Variants in ERC2 observed in about 807,000 individuals in gnomAD.
ERC2 encodes ELKS/RAB6-interacting/CAST family member 2.
A neutral mutation model predicts 114.8 loss-of-function variants in ERC2; 42 were observed. That is an observed-to-expected ratio of 0.37 (90% CI 0.29 to 0.47). The LOEUF (loss-of-function observed/expected upper bound fraction) is 0.47, where lower values mean the gene tolerates loss of function less well. Among genes scored for constraint, ERC2 ranks in the 20% least tolerant of loss-of-function variants. The pLI, the probability that ERC2 is intolerant of heterozygous loss-of-function variation, is 0.99. For missense variants in ERC2, 939 were observed against 1,150.7 expected (o/e 0.82, Z 2.66); for synonymous variants, 454 against 425.5 (o/e 1.07, Z -0.82).
At chr3:56,144,331 T>G (rs967197690) in intron 5 of ERC2, among the ~76,000 whole-genome samples, 1 of 152,202 alleles carries the variant, frequency 6.6e-6, no homozygotes, top group Non-Finnish European at 1.5e-5. Flanking sequence ...TAGGATTATC[T>G]AAAATGATAA....
intron 17 of ERC2, among the ~76,000 whole-genome samples, chr3:55,531,981 G>C (rs528022749): frequency 6.6e-6 from 1 of 152,206 alleles, no homozygotes; most frequent in Admixed American, 6.5e-5. Context: ...AACTGTCCTC[G>C]GCTTCAGCCT....
intron 6 of ERC2, among the ~76,000 whole-genome samples, chr3:56,093,580 T>C (rs973534108): frequency 2.0e-5 from 3 of 152,154 alleles, no homozygotes; most frequent in Non-Finnish European, 4.4e-5. Flanking sequence ...ACCACATTCA[T>C]ATCAGTGTAA....
intron 14 of ERC2, among the ~76,000 whole-genome samples, chr3:55,750,630 G>C (rs945183666): frequency 5.9e-5 from 9 of 152,226 alleles, no homozygotes; most frequent in African/African-American, 2.2e-4. Context: ...TTCCAGATGG[G>C]GTAAGTGTCT....
chr3:56,380,859 T>C (rs909934728), intron 2 of ERC2, among the ~76,000 whole-genome samples: 36 of 152,240 alleles, frequency 2.4e-4, no homozygotes, highest in African/African-American at 8.2e-4. Context: ...ACTTATAATC[T>C]GCCTGTTAAA....
At chr3:55,778,968 A>T (rs73831507) in intron 14 of ERC2, among the ~76,000 whole-genome samples, 1,880 of 152,336 alleles carry the variant, frequency 0.012, 40 homozygotes, top group African/African-American at 0.043. Context: ...GAATAATGAC[A>T]ATAGGCATAT....
At chr3:56,258,352 T>C (rs752103417) in intron 3 of ERC2, among the ~76,000 whole-genome samples, 10 of 152,232 alleles carry the variant, frequency 6.6e-5, no homozygotes, top group Non-Finnish European at 1.3e-4. Flanking sequence ...ATGGGTGTGC[T>C]AGTCCTCCAA....
chr3:55,712,430 G>A (rs367585302), intron 15 of ERC2, among the ~76,000 whole-genome samples: 15 of 152,090 alleles, frequency 9.9e-5, no homozygotes, highest in East Asian at 5.8e-4. Context: ...GAACAGAGTT[G>A]GCCTCTGTTG....
intron 16 of ERC2, among the ~76,000 whole-genome samples, chr3:55,687,849 G>A (rs1005369244): frequency 1.3e-5 from 2 of 152,236 alleles, no homozygotes; most frequent in East Asian, 1.9e-4. Context: ...GGCCAGAGCC[G>A]GGAAAAACAG....
rs745871289 is a variant in ERC2, at chr3:55,509,446, G to A, written c.*1870C>T. On this transcript the variant is annotated 3_prime_UTR_variant, in exon 18 of 18. Coordinates refer to ENST00000288221, the MANE Select transcript of ERC2 (RefSeq NM_015576.3). ...AAAATGTGCTAAATAAGCTTGCAAA[G>A]AACTCTGCTTACTTCTCTAACCAAG... 6.6e-6 allele frequency: 1 copy of A among 152,536 alleles called. No homozygotes were observed. Among genetic ancestry groups the A allele is most frequent in the Non-Finnish European group, 1.5e-5 (1 of 68,026 alleles). The allele number at this position is 152,536 out of a possible 1,614,324, so 9.4% of individuals were successfully genotyped here. A position where few individuals can be genotyped will look rare whatever the true frequency, so the allele number is the denominator to read the frequency against.
intron 17 of ERC2, chr3:55,659,122 C>A (rs540607482): frequency 6.6e-6 from 1 of 152,324 alleles, no homozygotes; most frequent in East Asian, 1.9e-4. Context: ...AGCTTTTGTT[C>A]TTCTGTCAGC....
chr3:56,268,486 T>C (rs1317137069), intron 3 of ERC2, among the ~76,000 whole-genome samples: 11 of 152,068 alleles, frequency 7.2e-5, no homozygotes, highest in African/African-American at 1.7e-4. Flanking sequence ...AAAATAAATA[T>C]AAGAGAATTC....
At chr3:56,267,765 C>T (rs1412110188) in intron 3 of ERC2, among the ~76,000 whole-genome samples, 2 of 151,888 alleles carry the variant, frequency 1.3e-5, no homozygotes, top group Non-Finnish European at 2.9e-5. Flanking sequence ...GGCAAAAGAG[C>T]GGAACTCCAT....
intron 3 of ERC2, among the ~76,000 whole-genome samples, chr3:56,210,831 T>C (rs915275674): frequency 2.0e-5 from 3 of 152,172 alleles, no homozygotes; most frequent in African/African-American, 7.2e-5. Flanking sequence ...ACAAGAAAGT[T>C]ACATATACTG....
At chr3:55,708,547 G>C (rs528187117) in intron 15 of ERC2, among the ~76,000 whole-genome samples, 2 of 152,140 alleles carry the variant, frequency 1.3e-5, no homozygotes, top group African/African-American at 2.4e-5. Flanking sequence ...TGAAGAGCCT[G>C]GGTAAACAAC....
chr3:56,227,502 G>A (rs189605624), intron 3 of ERC2, among the ~76,000 whole-genome samples: 4 of 150,994 alleles, frequency 2.6e-5, no homozygotes, highest in Non-Finnish European at 4.4e-5. Flanking sequence ...TGGATGTCAC[G>A]TTGTACCAAA....
At chr3:55,638,603 T>C (rs1478702588) in intron 17 of ERC2, among the ~76,000 whole-genome samples, 1 of 152,202 alleles carries the variant, frequency 6.6e-6, no homozygotes, top group African/African-American at 2.4e-5. Flanking sequence ...CGTTAGAGTC[T>C]GTAGTCTTTC....
chr3:55,795,972 T>C (rs2070441710), intron 14 of ERC2, among the ~76,000 whole-genome samples: 1 of 151,846 alleles, frequency 6.6e-6, no homozygotes, highest in Non-Finnish European at 1.5e-5. Flanking sequence ...AGTTGAGGAG[T>C]CACAAACTAA....
chr3:56,149,549 G>A (rs1409158834), intron 4 of ERC2, among the ~76,000 whole-genome samples: 7 of 152,232 alleles, frequency 4.6e-5, no homozygotes, highest in African/African-American at 1.7e-4. Flanking sequence ...TATATTTTAT[G>A]GCTGGTTTTA....
intron 2 of ERC2, among the ~76,000 whole-genome samples, chr3:56,349,191 C>T (rs2058454289): frequency 6.6e-6 from 1 of 152,120 alleles, no homozygotes; most frequent in Non-Finnish European, 1.5e-5. Flanking sequence ...CTAAATGACA[C>T]AAATAGAGCA....
Sources: gnomAD v4.1 joint callset for allele counts (sites outside exome capture counted in the v4.1 genomes callset) on GRCh38, gnomAD v4.1.1 for gene constraint, MANE v1.5 for transcripts, NCBI Gene and HGNC (gene_info 2026-07-23, HGNC 2026-07-21) for gene names.